ZP2: variants seen among roughly 807,000 people sequenced by gnomAD.
ZP2 encodes the protein zona pellucida glycoprotein 2, also known as zona pellucida sperm-binding protein 2.
A neutral mutation model predicts 84.0 loss-of-function variants in ZP2; 51 were observed. The observed-to-expected ratio is 0.61, with a 90% confidence interval of 0.49 to 0.77. The LOEUF is 0.77. Ranked by LOEUF, ZP2 falls within the 30% of genes least tolerant of loss-of-function variation. The pLI is 0.00. For missense variants in ZP2, 909 were observed against 911.9 expected (o/e 1.00, Z 0.04); for synonymous variants, 375 against 330.9 (o/e 1.13, Z -1.45).
intron 9 of ZP2, 190 bp downstream of exon 9, chr16:21,203,840 T>C: frequency 1.6e-6 from 1 of 636,588 alleles, no homozygotes; most frequent in Non-Finnish European, 2.7e-6. Context: ...AGGTTTTGTG[T>C]TAGAGAATGA....
rs372884740 is a variant in ZP2 at position 21,209,732 on chromosome 16, A to G, written c.236-7T>C. The G allele has an allele frequency of 4.8e-4, 779 of 1,613,852 alleles. No individual in the cohort carries two copies. The highest frequency in any genetic ancestry group is 6.3e-4 in the Non-Finnish European group (743 of 1,179,850). On this transcript the variant is annotated splice_region_variant and splice_polypyrimidine_tract_variant and intron_variant, in intron 3 of 18. Transcript: ENST00000574091. ...ATGTCGAGACCAAGAGGATCTGCCAAGGCCAGAGCAGGTTAGACAGGATGG... is the reference window on the plus strand; with the variant it reads ...ATGTCGAGACCAAGAGGATCTGCCAGGGCCAGAGCAGGTTAGACAGGATGG...
intron 10 of ZP2, 151 bp downstream of exon 10, chr16:21,202,974 G>A (rs1055889446): frequency 2.0e-4 from 174 of 870,420 alleles, no homozygotes; most frequent in Non-Finnish European, 2.6e-4. Flanking sequence ...GGACCCCATC[G>A]TAGCAGCTAC....
Position 21,210,101 on chromosome 16 carries a change from T to C in ZP2, c.235+8A>G. ...CAGGACTATGAGGAGATAACACACG[T>C]TACCTACCCACCACAGATGCATGCC... is the stretch of plus-strand genomic sequence containing the variant. On this transcript the variant is annotated splice_region_variant and intron_variant, in intron 3 of 18. Transcript: ENST00000574091. The C allele has an allele frequency of 1.2e-6, 2 of 1,613,118 alleles. No homozygotes were observed. The highest frequency in any genetic ancestry group is 1.7e-6 in the Non-Finnish European group (2 of 1,179,162).
In ZP2 at chr16:21,211,315, G is replaced by A; in HGVS notation, c.143C>T (p.Ala48Val). The A allele has an allele frequency of 3.7e-6, 6 of 1,613,980 alleles. No homozygotes were observed. The highest frequency in any genetic ancestry group is 4.2e-6 in the Non-Finnish European group (5 of 1,179,876). ...SIDVSQLVNP[A>V]FPGTVTCDER... ...TCACCCAAGAGACATACCTGGAAAG[G>A]CAGGATTTACCAACTGAGAAACATC... Residue 48 changes from alanine to valine, a missense_variant, in exon 2 of 19, where the codon GCC (alanine) becomes GTC (valine). Ala to Val is a moderately conservative substitution (Grantham distance 64). Transcript: ENST00000574091.
At chr16:21,210,051 C>T in intron 3 of ZP2, 58 bp downstream of exon 3, 1 of 1,509,766 alleles carries the variant, frequency 6.6e-7, no homozygotes. Flanking sequence ...ACAGGATTGA[C>T]CTAAGCCAAA....
intron 5 of ZP2, chr16:21,206,050 T>G (rs1003162948): frequency 2.2e-6 from 1 of 455,514 alleles, no homozygotes; most frequent in Non-Finnish European, 4.0e-6. Context: ...CAGGCTGGAG[T>G]GCAATGGTGC....
chr16:21,211,543 G>A lies in ZP2; in HGVS notation c.5C>T (p.Ala2Val), dbSNP rs573749216. The A allele has an allele frequency of 6.1e-5, 99 of 1,614,066 alleles. No individual in the cohort carries two copies. Among genetic ancestry groups the A allele is most frequent in the Non-Finnish European group, 6.8e-5 (80 of 1,180,012 alleles). Reference protein sequence around the residue: MACRQRGGSWSP... With the variant: MVCRQRGGSWSP... ...CCAAGAGCCTCCTCTCTGCCTGCACGCCATAGCAGAAGACACTACCAGATC... is the reference window on the plus strand; with the variant it reads ...CCAAGAGCCTCCTCTCTGCCTGCACACCATAGCAGAAGACACTACCAGATC... The change falls in exon 1 of 19, where the codon GCG becomes GTG. Residue 2 changes from alanine to valine, a missense_variant. Coordinates refer to ENST00000574091, the MANE Select transcript of ZP2 (RefSeq NM_001376232.1).
At chr16:21,198,023 C>T (rs1014706727) in intron 17 of ZP2, 174 bp from the exon 18 acceptor site, 56 of 603,884 alleles carry the variant, frequency 9.3e-5, no homozygotes, top group Non-Finnish European at 3.3e-5. Context: ...TTAAGATGCA[C>T]ATGCTCTGAC....
At chr16:21,203,528 A>G (rs980145334) in intron 9 of ZP2, among the ~76,000 whole-genome samples, 1 of 152,240 alleles carries the variant, frequency 6.6e-6, no homozygotes, top group Non-Finnish European at 1.5e-5. Context: ...TCCAAAGAAT[A>G]GTGGAATCCT....
upstream of ZP2, chr16:21,214,335 G>A: frequency 2.1e-6 from 2 of 961,060 alleles, no homozygotes; most frequent in Non-Finnish European, 2.5e-6. Flanking sequence ...GCTACCATCT[G>A]TTCAGCAACT....
Position 21,201,453 on chromosome 16 carries a change from T to C in ZP2, c.1610A>G (p.Asn537Ser). ...GCAGTCATCTAAGACCAGCTTGATGTTGGGGTCATCCCTGTTTAGGACTCT... is the reference window on the plus strand; with the variant it reads ...GCAGTCATCTAAGACCAGCTTGATGCTGGGGTCATCCCTGTTTAGGACTCT... ...EVRVLNRDDPNIKLVLDDCWA... is the reference protein window; with the variant it reads ...EVRVLNRDDPSIKLVLDDCWA... The change falls in exon 14 of 19, where the codon AAC becomes AGC. Residue 537 changes from asparagine to serine, a missense_variant. By Grantham distance (46) the Asn-to-Ser change is conservative (BLOSUM62 1). Transcript: ENST00000574091. The C allele has an allele frequency of 1.9e-6, 3 of 1,613,688 alleles. No individual in the cohort carries two copies. Among genetic ancestry groups the C allele is most frequent in the Non-Finnish European group, 8.5e-7 (1 of 1,179,862 alleles).
At chr16:21,211,422 G>A in intron 1 of ZP2, 27 bp from the exon 2 acceptor site, 2 of 1,614,104 alleles carry the variant, frequency 1.2e-6, no homozygotes, top group Non-Finnish European at 8.5e-7. Context: ...AGATAGTCAA[G>A]GAAGAATGGA....
At chr16:21,203,889 A>C in intron 9 of ZP2, 141 bp downstream of exon 9, 1 of 813,086 alleles carries the variant, frequency 1.2e-6, no homozygotes, top group Non-Finnish European at 2.0e-6. Flanking sequence ...CAAGATGATC[A>C]AATGAGGCCT....
chr16:21,212,116 T>C (rs546929476), upstream of ZP2, among the ~76,000 whole-genome samples: 3 of 152,170 alleles, frequency 2.0e-5, no homozygotes, highest in South Asian at 6.2e-4. Flanking sequence ...TGAGTAAAGA[T>C]TGGGTTTCAC....
intron 5 of ZP2, 106 bp from the exon 6 acceptor site, chr16:21,205,881 G>C (rs2093247486): frequency 9.2e-7 from 1 of 1,087,998 alleles, no homozygotes; most frequent in Non-Finnish European, 1.4e-6. Flanking sequence ...CCTGCTGTGG[G>C]ATGCAGTGGA....
chr16:21,211,748 T>G (rs1038855290), upstream of ZP2: 4 of 1,477,926 alleles, frequency 2.7e-6, no homozygotes, highest in Non-Finnish European at 9.0e-7. Context: ...CCAGCTGCCC[T>G]GTGGGCCAGG....
chr16:21,198,507 G>C (rs1468111886), intron 17 of ZP2, among the ~76,000 whole-genome samples: 3 of 152,182 alleles, frequency 2.0e-5, no homozygotes, highest in Non-Finnish European at 4.4e-5. Flanking sequence ...GGAATCCTAA[G>C]GGTTCTTTGT....
intron 10 of ZP2, 26 bp downstream of exon 10, chr16:21,203,099 A>G: frequency 1.2e-6 from 2 of 1,607,058 alleles, no homozygotes; most frequent in South Asian, 2.2e-5. Flanking sequence ...AAAAGGTAGA[A>G]CATGATTTTA....
intron 14 of ZP2, among the ~76,000 whole-genome samples, chr16:21,200,739 C>G (rs1006802484): frequency 5.3e-5 from 8 of 152,194 alleles, no homozygotes; most frequent in Non-Finnish European, 7.3e-5. Flanking sequence ...AAGACGAAGA[C>G]TAGTACAACT....
Sources: allele counts gnomAD v4.1 joint callset (sites outside exome capture counted in the v4.1 genomes callset), GRCh38; gene constraint gnomAD v4.1.1; transcripts MANE v1.5; gene names NCBI Gene and HGNC (gene_info 2026-07-23, HGNC 2026-07-21).